Variants in LDB3 observed in about 807,000 individuals in gnomAD.
LDB3 encodes the protein LIM domain binding 3, also known as LIM domain-binding protein 3.
LDB3 carries 49 observed loss-of-function variants against 69.0 expected under a neutral mutation model. That is an observed-to-expected ratio of 0.71 (90% confidence interval 0.56 to 0.90). The LOEUF is 0.90. Ranked by LOEUF, LDB3 falls within the 40% of genes least tolerant of loss-of-function variation. LDB3 has a pLI of 0.00. For synonymous variants in LDB3, 387 were observed against 396.2 expected (o/e 0.98, Z 0.28); for missense variants, 928 against 974.1 (o/e 0.95, Z 0.63).
chr10:86,695,120 T>C (rs922127115), intron 7 of LDB3, among the ~76,000 whole-genome samples: 2 of 140,120 alleles, frequency 1.4e-5, no homozygotes, highest in Admixed American at 7.6e-5. Flanking sequence ...CTTATGCCCA[T>C]GCAAAGGTGC....
chr10:86,728,586 G>GGTTTTTTTTTTGTTT (rs1554868913), intron 13 of LDB3, among the ~76,000 whole-genome samples: 15 of 131,452 alleles, frequency 1.1e-4, no homozygotes, highest in East Asian at 4.6e-4. Flanking sequence ...TGGTTCTTTT[G>GGTTTTTTTTTTGTTT]TTTTTTTTTT....
chr10:86,730,016 G>A (rs940833717), intron 13 of LDB3, among the ~76,000 whole-genome samples: 3 of 152,102 alleles, frequency 2.0e-5, no homozygotes, highest in African/African-American at 7.2e-5. Flanking sequence ...GCAGCTTGAG[G>A]CCTCCACACG....
chr10:86,694,482 C>T (rs117434536), intron 7 of LDB3, among the ~76,000 whole-genome samples: 3,000 of 152,284 alleles, frequency 0.02, 35 homozygotes, highest in Middle Eastern at 0.034. Context: ...TCCCTCAGTC[C>T]CAGGCAACTT....
At chr10:86,711,820 C>A (rs1846680488) in intron 9 of LDB3, among the ~76,000 whole-genome samples, 1 of 148,566 alleles carries the variant, frequency 6.7e-6, no homozygotes, top group Non-Finnish European at 1.5e-5. Context: ...CACGTTGGCC[C>A]GCGGGCCGGG....
intron 8 of LDB3, among the ~76,000 whole-genome samples, chr10:86,708,651 G>A (rs1276380110): frequency 2.0e-5 from 3 of 152,198 alleles, no homozygotes; most frequent in Non-Finnish European, 2.9e-5. Flanking sequence ...GAGAAGGGCA[G>A]GTGGGCCTGG....
chr10:86,680,656 G>A (rs548423211), intron 4 of LDB3, among the ~76,000 whole-genome samples: 6 of 152,120 alleles, frequency 3.9e-5, no homozygotes, highest in African/African-American at 1.4e-4. Flanking sequence ...GCATTCCCCT[G>A]TAGCCCTTAG....
chr10:86,667,086 T>C (rs555823096), upstream of LDB3, among the ~76,000 whole-genome samples: 5 of 152,238 alleles, frequency 3.3e-5, no homozygotes, highest in South Asian at 4.1e-4. Context: ...CTGCATGATA[T>C]AGGGTGAAGG....
At chr10:86,677,921 C>T (rs1844889074) in intron 2 of LDB3, among the ~76,000 whole-genome samples, 1 of 152,194 alleles carries the variant, frequency 6.6e-6, no homozygotes, top group Non-Finnish European at 1.5e-5. Flanking sequence ...TGGGATGCTG[C>T]TGTGTCTTAG....
At chr10:86,691,809 C>A in intron 5 of LDB3, 87 bp from the exon 6 acceptor site, 1 of 1,451,224 alleles carries the variant, frequency 6.9e-7, no homozygotes, top group Non-Finnish European at 9.7e-7. Context: ...ACGATAGGGG[C>A]CACCAATGGG....
chr10:86,669,159 C>CA (rs1325533467), intron 2 of LDB3, among the ~76,000 whole-genome samples: 1 of 152,176 alleles, frequency 6.6e-6, no homozygotes, highest in East Asian at 1.9e-4. Flanking sequence ...TAGATATGGG[C>CA]AGCTGCTTTG....
intron 8 of LDB3, among the ~76,000 whole-genome samples, chr10:86,709,673 G>C (rs1220534567): frequency 2.6e-5 from 4 of 152,290 alleles, no homozygotes; most frequent in African/African-American, 7.2e-5. Flanking sequence ...GTGTCCTCCT[G>C]GTGGCTTTTC....
Position 86,681,500 on chromosome 10 carries a change from G to GCCCAGGCAC in LDB3, c.399_407dup (p.Gly134_Pro136dup), listed in dbSNP as rs750334087. Reference sequence around the variant, plus strand: ...AGCCCCAGCCCTGAGGCGAGGGCCAGCCCAGGCACCCCAGGCACCCCGGAG... The same window carrying GCCCAGGCAC: ...AGCCCCAGCCCTGAGGCGAGGGCCAGCCCAGGCACCCCAGGCACCCCAGGCACCCCGGAG... On this transcript the variant is annotated inframe_insertion, in exon 5 of 14. Coordinates refer to ENST00000361373, the MANE Select transcript of LDB3 (RefSeq NM_007078.3). 112 of 1,610,754 alleles carry GCCCAGGCAC rather than the reference G, an allele frequency of 7.0e-5. No individual in the cohort carries two copies. The highest frequency in any genetic ancestry group is 5.0e-5 in the Non-Finnish European group (59 of 1,179,774).
At chr10:86,684,234 C>T (rs1010899170) in intron 5 of LDB3, among the ~76,000 whole-genome samples, 1 of 152,260 alleles carries the variant, frequency 6.6e-6, no homozygotes, top group Non-Finnish European at 1.5e-5. Context: ...GGCCCCTGGG[C>T]AGGTCTTACA....
intron 9 of LDB3, among the ~76,000 whole-genome samples, chr10:86,712,714 A>T (rs1846713512): frequency 6.6e-6 from 1 of 152,254 alleles, no homozygotes; most frequent in South Asian, 2.1e-4. Context: ...TTTTTAAAAA[A>T]TAAAAGAAAG....
At chr10:86,684,436 G>C (rs892547668) in intron 5 of LDB3, among the ~76,000 whole-genome samples, 4 of 152,266 alleles carry the variant, frequency 2.6e-5, no homozygotes, top group African/African-American at 9.6e-5. Flanking sequence ...CCTCTGCAGG[G>C]GGCCCTGGGC....
At chr10:86,720,429 G>A (rs1208176538) in intron 12 of LDB3, among the ~76,000 whole-genome samples, 1 of 148,276 alleles carries the variant, frequency 6.7e-6, no homozygotes, top group Non-Finnish European at 1.5e-5. Context: ...GGGCAACACA[G>A]TAAGACTCCA....
Position 86,706,714 on chromosome 10 carries a change from C to T in LDB3, c.1080C>T (p.Ser360=), listed in dbSNP as rs777185449. 3 of 1,611,154 alleles carry T rather than the reference C, an allele frequency of 1.9e-6. No homozygotes were observed. In the African/African-American group the frequency reaches 4.0e-5, roughly 22 times the overall value. ...CCCCTGCTTCAAGTCCTGCCGACAG[C>T]CCAAGGTAACTGGGCCACAGGTGCT... The part of the protein sequence containing the change: ...TTAPASSPAD[S]PRPQASSYSP... The change falls in exon 8 of 14, where the codon AGC becomes AGT. Residue 360 remains serine (S), a synonymous_variant. Transcript: ENST00000361373.
chr10:86,676,247 C>T (rs946143794), intron 2 of LDB3, among the ~76,000 whole-genome samples: 1 of 152,096 alleles, frequency 6.6e-6, no homozygotes, highest in African/African-American at 2.4e-5. Flanking sequence ...GCGCTGTGGG[C>T]ACAAGGTGGC....
chr10:86,669,234 C>T (rs1047573284), intron 2 of LDB3, among the ~76,000 whole-genome samples: 7 of 152,176 alleles, frequency 4.6e-5, no homozygotes, highest in Admixed American at 2.6e-4. Flanking sequence ...GACAGACAGA[C>T]GGTTGACCTT....
Sources: allele counts gnomAD v4.1 joint callset (sites outside exome capture counted in the v4.1 genomes callset), GRCh38; gene constraint gnomAD v4.1.1; transcripts MANE v1.5; gene names NCBI Gene and HGNC (gene_info 2026-07-23, HGNC 2026-07-21).